Variants in PCED1B observed in about 807,000 individuals in gnomAD.
The protein encoded by PCED1B is PC-esterase domain containing 1B.
For missense variants in PCED1B, 573 were observed against 573.9 expected, an observed-to-expected ratio of 1.00 and a Z score of 0.02; for synonymous variants, 251 against 246.1, an observed-to-expected ratio of 1.02 and a Z score of -0.19.
chr12:47,123,535 T>A (rs888777603), intron 2 of PCED1B, among the ~76,000 whole-genome samples: 1 of 152,086 alleles, frequency 6.6e-6, no homozygotes, highest in Non-Finnish European at 1.5e-5. Context: ...AACAAAACAA[T>A]GTACCAAAAT....
At chr12:47,114,856 A>T (rs1343232430) in intron 2 of PCED1B, among the ~76,000 whole-genome samples, 1 of 152,144 alleles carries the variant, frequency 6.6e-6, no homozygotes, top group Non-Finnish European at 1.5e-5. Context: ...TTACACTTTC[A>T]TTTTTCCTGC....
At chr12:47,198,966 C>CAAAA (rs374155461) in intron 2 of PCED1B, among the ~76,000 whole-genome samples, 1 of 131,266 alleles carries the variant, frequency 7.6e-6, no homozygotes. Context: ...AACTCCATCT[C>CAAAA]AAAAAAAAAA....
At chr12:47,223,714 G>C (rs999424016) in intron 3 of PCED1B, 2 of 152,250 alleles carry the variant, frequency 1.3e-5, no homozygotes, top group African/African-American at 4.8e-5. Flanking sequence ...GCGGGGTGAG[G>C]ATTTGAAGGT....
At chr12:47,150,918 A>G (rs1940968093) in intron 2 of PCED1B, among the ~76,000 whole-genome samples, 1 of 152,200 alleles carries the variant, frequency 6.6e-6, no homozygotes, top group South Asian at 2.1e-4. Flanking sequence ...TTTTGGCCAG[A>G]TAGGATAGGA....
At chr12:47,218,817 T>C (rs1489478139) in intron 3 of PCED1B, among the ~76,000 whole-genome samples, 1 of 152,004 alleles carries the variant, frequency 6.6e-6, no homozygotes, top group Non-Finnish European at 1.5e-5. Context: ...AGACTTGCTC[T>C]CATTTTTAAA....
chr12:47,208,169 C>T (rs959847830), intron 2 of PCED1B, among the ~76,000 whole-genome samples: 12 of 152,150 alleles, frequency 7.9e-5, no homozygotes, highest in African/African-American at 2.4e-4. Flanking sequence ...CCCTTAGACA[C>T]GTGCCTGAAC....
chr12:47,199,649 C>A (rs1283180213), intron 2 of PCED1B, among the ~76,000 whole-genome samples: 1 of 152,144 alleles, frequency 6.6e-6, no homozygotes, highest in Non-Finnish European at 1.5e-5. Context: ...GGTTCTAGAA[C>A]AACAGGACAT....
chr12:47,152,921 T>G (rs112908029), intron 2 of PCED1B, among the ~76,000 whole-genome samples: 5,849 of 150,534 alleles, frequency 0.039, 370 homozygotes, highest in African/African-American at 0.14. Context: ...GGCAACAGAG[T>G]GAGACTCCGT....
At chr12:47,105,868 C>A (rs1453892558) in intron 2 of PCED1B, among the ~76,000 whole-genome samples, 1 of 152,162 alleles carries the variant, frequency 6.6e-6, no homozygotes. Context: ...CGAATTGACA[C>A]GTATTATGAC....
At chr12:47,101,136 C>G (rs1938688708) in intron 1 of PCED1B, among the ~76,000 whole-genome samples, 1 of 152,092 alleles carries the variant, frequency 6.6e-6, no homozygotes, top group African/African-American at 2.4e-5. Flanking sequence ...TTATTCCATT[C>G]CATCTTAAAT....
chr12:47,103,369 T>C (rs1245140167), intron 1 of PCED1B, among the ~76,000 whole-genome samples: 1 of 152,188 alleles, frequency 6.6e-6, no homozygotes, highest in Non-Finnish European at 1.5e-5. Context: ...CCTGTGCTCA[T>C]TAAATGTTAC....
chr12:47,171,888 T>C (rs1448302807), intron 2 of PCED1B, among the ~76,000 whole-genome samples: 3 of 148,906 alleles, frequency 2.0e-5, no homozygotes, highest in Non-Finnish European at 2.9e-5. Flanking sequence ...TTTCTTCTTC[T>C]TCTTCTTCCT....
intron 2 of PCED1B, among the ~76,000 whole-genome samples, chr12:47,146,045 T>C (rs1592199531): frequency 6.6e-6 from 1 of 152,340 alleles, no homozygotes; most frequent in Admixed American, 6.5e-5. Context: ...TCATGATTCA[T>C]AGGAGGAAGT....
chr12:47,200,843 A>G (rs899829621), intron 2 of PCED1B, among the ~76,000 whole-genome samples: 9 of 152,258 alleles, frequency 5.9e-5, no homozygotes, highest in Non-Finnish European at 1.2e-4. Flanking sequence ...GACTTAAACA[A>G]TAACAGACAT....
chr12:47,106,944 C>T (rs1938979578), intron 2 of PCED1B, among the ~76,000 whole-genome samples: 1 of 152,116 alleles, frequency 6.6e-6, no homozygotes, highest in African/African-American at 2.4e-5. Context: ...CTTTCTGCCT[C>T]CTAGGAACCC....
intron 2 of PCED1B, among the ~76,000 whole-genome samples, chr12:47,215,083 G>A (rs1943210109): frequency 6.6e-6 from 1 of 151,750 alleles, no homozygotes; most frequent in South Asian, 2.1e-4. Flanking sequence ...GGGACCTTCT[G>A]TAGTCATGCA....
chr12:47,219,201 A>G (rs892206685), intron 3 of PCED1B, among the ~76,000 whole-genome samples: 32 of 152,224 alleles, frequency 2.1e-4, no homozygotes, highest in African/African-American at 7.5e-4. Context: ...TAGAATTTAA[A>G]TACTACAAAA....
intron 2 of PCED1B, among the ~76,000 whole-genome samples, chr12:47,112,149 ATG>A (rs1458313527): frequency 6.6e-6 from 1 of 152,196 alleles, no homozygotes; most frequent in Non-Finnish European, 1.5e-5. Context: ...TCCATGTCAT[ATG>A]TTGCTATTAT....
chr12:47,136,919 T>C (rs1177450547), intron 2 of PCED1B, among the ~76,000 whole-genome samples: 1 of 152,206 alleles, frequency 6.6e-6, no homozygotes, highest in South Asian at 2.1e-4. Context: ...CCGTCACTCC[T>C]TTGCCACGTA....
Sources: allele counts gnomAD v4.1 joint callset (sites outside exome capture counted in the v4.1 genomes callset), GRCh38; gene constraint gnomAD v4.1.1; transcripts MANE v1.5; gene names NCBI Gene and HGNC (gene_info 2026-07-23, HGNC 2026-07-21).